MARCHF9: variants seen among roughly 807,000 people sequenced by gnomAD.
MARCHF9 encodes E3 ubiquitin-protein ligase MARCHF9.
Under a neutral mutation model 35.2 loss-of-function variants are expected in MARCHF9, and 17 were observed. That is an observed-to-expected ratio of 0.48 (90% CI 0.33 to 0.72). MARCHF9 has a LOEUF of 0.72. Ranked by LOEUF, MARCHF9 falls within the 30% of genes least tolerant of loss-of-function variation. The pLI is 0.02. For synonymous variants in MARCHF9, 183 were observed against 207.4 expected (o/e 0.88, Z 1.01); for missense variants, 386 against 478.2 (o/e 0.81, Z 1.80).
At position 57,755,833 on chromosome 12, in the gene MARCHF9, A is replaced by T. The variant is rs1392823363; in HGVS notation, c.305A>T (p.Asp102Val). The change falls in exon 1 of 4, where the codon GAC (aspartate) becomes GTC (valine). Residue 102 changes from aspartate to valine, a missense_variant. Transcript: ENST00000266643. ...LDALSLSSSL[D>V]SGLRTPQCRI... is the part of the protein sequence containing the mutation. ...GCCCTGTCGCTCAGCAGTAGCCTGG[A>T]CAGCGGACTCCGAACCCCTCAGTGC... The T allele has an allele frequency of 6.6e-7, 1 of 1,518,318 alleles. No homozygotes were observed. 94.1% of individuals were successfully genotyped at this position (1,518,318 alleles called of 1,614,324 possible).
chr12:57,755,487 A>C lies in MARCHF9; in HGVS notation c.-42A>C. 3.4e-4 allele frequency: 41 copies of C among 119,122 alleles called. No homozygotes were observed. The highest frequency in any genetic ancestry group is 3.1e-3 in the Middle Eastern group (1 of 320). The allele number at this position is 119,122 out of a possible 1,614,324, so 7.4% of individuals were successfully genotyped here. A position where few individuals can be genotyped will look rare whatever the true frequency, so the allele number is the denominator to read the frequency against. On this transcript the variant is annotated 5_prime_UTR_variant, in exon 1 of 4. Coordinates refer to ENST00000266643, the MANE Select transcript of MARCHF9 (RefSeq NM_138396.6). The stretch of plus-strand genomic sequence containing the variant: ...CTCTCCCCTCCCCCCGCCGCTAGCG[A>C]GCCCCCCTTGCACGCTGCCCCCCGC...
In MARCHF9 at chr12:57,758,676, G is replaced by A. The variant is rs766115731; in HGVS notation, c.820G>A (p.Ala274Thr). 3.1e-6 allele frequency: 5 copies of A among 1,613,674 alleles called. No homozygotes were observed. The East Asian group carries it at 1.1e-4, about 36-fold the overall frequency. ...CAAGACCAAGGACATAGGAGGAGAT[G>A]CAGGGGGAGGGACGGCAGGGAAGTC... is the stretch of plus-strand genomic sequence containing the variant. The part of the protein sequence containing the change: ...YDKTKDIGGD[A>T]GGGTAGKSGP... The change falls in exon 4 of 4, where the codon GCA becomes ACA. Residue 274 changes from alanine (A) to threonine (T), a missense_variant. Ala to Thr is a moderately conservative substitution (Grantham distance 58). Around this residue, in one of 3 missense-constraint regions of MARCHF9, gnomAD observed 111 missense variants for 112.4 expected, o/e 0.99. Coordinates refer to ENST00000266643, the MANE Select transcript of MARCHF9 (RefSeq NM_138396.6). This position sits in a 1 kb window ranked among gnomAD's most constrained non-coding sequence, Gnocchi z 5.4.
chr12:57,759,067 G>C lies in MARCHF9; in HGVS notation c.*170G>C. On this transcript the variant is annotated 3_prime_UTR_variant, in exon 4 of 4. Transcript: ENST00000266643. ...ACATTGTCTGGCCTCACTGCCCACT[G>C]GGTAGAGACACCTGGATGACATTTC... 1 of 645,836 alleles carries C rather than the reference G, an allele frequency of 1.5e-6. No homozygotes were observed. The allele number at this position is 645,836 out of a possible 1,614,324, so 40.0% of individuals were successfully genotyped here.
chr12:57,757,705 A>G lies in MARCHF9; in HGVS notation c.514-403A>G, dbSNP rs141861199. On this transcript the variant is annotated intron_variant, in intron 2 of 3. Coordinates refer to ENST00000266643, the MANE Select transcript of MARCHF9 (RefSeq NM_138396.6). ...ATGTTGATGATGATAGCAAATATGTAGTGTTTTCTGTGTCAAGTTTTGGTG... is the reference window on the plus strand; with the variant it reads ...ATGTTGATGATGATAGCAAATATGTGGTGTTTTCTGTGTCAAGTTTTGGTG... 92 of 506,806 alleles carry G rather than the reference A, an allele frequency of 1.8e-4. No individual in the cohort carries two copies. The East Asian group carries it at 2.7e-3, about 15-fold the overall frequency. The allele number at this position is 506,806 out of a possible 1,614,324, so 31.4% of individuals were successfully genotyped here. A position where few individuals can be genotyped will look rare whatever the true frequency, so the allele number is the denominator to read the frequency against.
chr12:57,755,699 G>C lies in MARCHF9; in HGVS notation c.171G>C (p.Glu57Asp). 4.8e-6 allele frequency: 6 copies of C among 1,261,062 alleles called. No individual in the cohort carries two copies. Among genetic ancestry groups the C allele is most frequent in the Non-Finnish European group, 6.0e-6 (6 of 1,006,566 alleles). The allele number at this position is 1,261,062 out of a possible 1,614,324, so 78.1% of individuals were successfully genotyped here. ...GGGACGGCGACGGCGACGAGGAGGAGTACTACGGGTCGGAGCCGCGGGCCC... is the reference window on the plus strand; with the variant it reads ...GGGACGGCGACGGCGACGAGGAGGACTACTACGGGTCGGAGCCGCGGGCCC... Reference protein sequence around the residue: ...STRDGDGDEEEYYGSEPRARG... With the variant: ...STRDGDGDEEDYYGSEPRARG... Residue 57 changes from glutamate (E) to aspartate (D), a missense_variant, in exon 1 of 4, where the codon GAG (glutamate) becomes GAC (aspartate). Transcript: ENST00000266643.
Position 57,758,925 on chromosome 12 carries a change from G to A in MARCHF9, c.*28G>A, listed in dbSNP as rs1206604810. On this transcript the variant is annotated 3_prime_UTR_variant, in exon 4 of 4. Transcript: ENST00000266643. This position sits in a 1 kb window ranked among gnomAD's most constrained non-coding sequence, Gnocchi z 5.4. ...TGGACTCCAGGAGCAGGGATCTTGA[G>A]TCAATGCATCAGTCAGAGAAGAACT... is the stretch of plus-strand genomic sequence containing the variant. 2 of 1,539,372 alleles carry A rather than the reference G, an allele frequency of 1.3e-6. No individual in the cohort carries two copies. The highest frequency in any genetic ancestry group is 2.3e-5 in the East Asian group (1 of 43,842).
rs1425542071 is a variant in MARCHF9, at chr12:57,755,626, G to A, written c.98G>A (p.Gly33Asp). 6 of 1,331,460 alleles carry A rather than the reference G, an allele frequency of 4.5e-6. No individual in the cohort carries two copies. Among genetic ancestry groups the A allele is most frequent in the Middle Eastern group, 2.9e-4 (1 of 3,484 alleles). 82.5% of individuals were successfully genotyped at this position (1,331,460 alleles called of 1,614,324 possible). Reference protein sequence around the residue: ...RPRAEPQPRGGRGGGCGWAPF... With the variant: ...RPRAEPQPRGDRGGGCGWAPF... Reference sequence around the variant, plus strand: ...CGGGCCGAGCCGCAACCCCGGGGGGGCCGGGGAGGCGGCTGCGGCTGGGCG... The same window carrying A: ...CGGGCCGAGCCGCAACCCCGGGGGGACCGGGGAGGCGGCTGCGGCTGGGCG... Residue 33 changes from glycine to aspartate, a missense_variant, in exon 1 of 4, where the codon GGC becomes GAC. Gly to Asp is a moderately conservative substitution (Grantham distance 94). Coordinates refer to ENST00000266643, the MANE Select transcript of MARCHF9 (RefSeq NM_138396.6).
chr12:57,756,615 C>T (rs903827719), intron 1 of MARCHF9, among the ~76,000 whole-genome samples: 1 of 152,148 alleles, frequency 6.6e-6, no homozygotes, highest in Non-Finnish European at 1.5e-5. Context: ...TAAGAGGAAG[C>T]CTTTCTTTTG....
At position 57,759,833 on chromosome 12, in the gene MARCHF9, C is replaced by G. The variant is rs1207677007; in HGVS notation, c.*936C>G. 1 of 152,100 alleles carries G rather than the reference C, an allele frequency of 6.6e-6. No homozygotes were observed. Among genetic ancestry groups the G allele is most frequent in the Non-Finnish European group, 1.5e-5 (1 of 68,022 alleles). The allele number at this position is 152,100 out of a possible 1,614,324, so 9.4% of individuals were successfully genotyped here. On this transcript the variant is annotated 3_prime_UTR_variant, in exon 4 of 4. Transcript: ENST00000266643. ...AATGTGTTTTTCATCTGGAGTTGCACAGAATCATGGAATTTTGTGTTGAGT... is the reference window on the plus strand; with the variant it reads ...AATGTGTTTTTCATCTGGAGTTGCAGAGAATCATGGAATTTTGTGTTGAGT...
chr12:57,756,128 T>C (rs1955286652), intron 1 of MARCHF9: 1 of 266,082 alleles, frequency 3.8e-6, no homozygotes, highest in Non-Finnish European at 7.3e-6. Flanking sequence ...CTCTCACCCA[T>C]TAACAGGGAC....
intron 1 of MARCHF9, 120 bp from the exon 2 acceptor site, chr12:57,756,809 A>G: frequency 9.2e-7 from 1 of 1,084,946 alleles, no homozygotes; most frequent in Non-Finnish European, 1.2e-6. Context: ...CTTGGGTGAA[A>G]GGCCTGAGTT....
intron 2 of MARCHF9, chr12:57,757,618 G>T (rs1000505886): frequency 3.8e-5 from 10 of 261,498 alleles, no homozygotes; most frequent in South Asian, 9.2e-5. Flanking sequence ...CTGCACTCCA[G>T]CCTGGGCAAC....
At position 57,759,065 on chromosome 12, in the gene MARCHF9, C is replaced by A; in HGVS notation, c.*168C>A. On this transcript the variant is annotated 3_prime_UTR_variant, in exon 4 of 4. Transcript: ENST00000266643. ...AGACATTGTCTGGCCTCACTGCCCA[C>A]TGGGTAGAGACACCTGGATGACATT... 1.5e-6 allele frequency: 1 copy of A among 663,928 alleles called. No individual in the cohort carries two copies. The highest frequency in any genetic ancestry group is 2.5e-6 in the Non-Finnish European group (1 of 404,308). The allele number at this position is 663,928 out of a possible 1,614,324, so 41.1% of individuals were successfully genotyped here.
intron 1 of MARCHF9, among the ~76,000 whole-genome samples, chr12:57,756,423 C>T (rs757682103): frequency 8.5e-5 from 13 of 152,098 alleles, no homozygotes; most frequent in Non-Finnish European, 1.6e-4. Context: ...GAATTGATTC[C>T]ATGATTAAAG....
chr12:57,758,971 C>A lies in MARCHF9; in HGVS notation c.*74C>A. ...GAACTCTCATGGCTGCTGGAGGTAC[C>A]AGCTGGACAAGGTGTTTGGGGCATG... is the stretch of plus-strand genomic sequence containing the variant. On this transcript the variant is annotated 3_prime_UTR_variant, in exon 4 of 4. Transcript: ENST00000266643. This position sits in a 1 kb window ranked among gnomAD's most constrained non-coding sequence, Gnocchi z 5.4. 1 of 1,387,266 alleles carries A rather than the reference C, an allele frequency of 7.2e-7. No individual in the cohort carries two copies. Among genetic ancestry groups the A allele is most frequent in the Non-Finnish European group, 9.6e-7 (1 of 1,037,246 alleles). The allele number at this position is 1,387,266 out of a possible 1,614,324, so 85.9% of individuals were successfully genotyped here.
At chr12:57,757,271 G>A (rs190210253) in intron 2 of MARCHF9, 187 bp downstream of exon 2, 9 of 539,564 alleles carry the variant, frequency 1.7e-5, no homozygotes, top group South Asian at 1.1e-4. Flanking sequence ...GATATTTATT[G>A]GGTGCCACTT....
In MARCHF9 at chr12:57,760,256, G is replaced by GA. The variant is rs1361335134; in HGVS notation, c.*1363dup. The GA allele has an allele frequency of 1.3e-5, 2 of 152,228 alleles. No homozygotes were observed. Among genetic ancestry groups the GA allele is most frequent in the Non-Finnish European group, 2.9e-5 (2 of 68,046 alleles). 9.4% of individuals were successfully genotyped at this position (152,228 alleles called of 1,614,324 possible). ...AGCATAGAGGACTGTTGTTTATAGAGAAAAGATTTGGGAAGGACTGTTTAC... is the reference window on the plus strand; with the variant it reads ...AGCATAGAGGACTGTTGTTTATAGAGAAAAAGATTTGGGAAGGACTGTTTAC... On this transcript the variant is annotated 3_prime_UTR_variant, in exon 4 of 4. Transcript: ENST00000266643.
intron 2 of MARCHF9, 88 bp downstream of exon 2, chr12:57,757,172 C>G: frequency 7.2e-7 from 1 of 1,392,654 alleles, no homozygotes; most frequent in South Asian, 1.6e-5. Context: ...ATTTCATTTA[C>G]TCTTTTCCCA....
In MARCHF9 at chr12:57,760,295, C is replaced by T. The variant is rs1955311210; in HGVS notation, c.*1398C>T. 1 of 152,202 alleles carries T rather than the reference C, an allele frequency of 6.6e-6. No homozygotes were observed. Among genetic ancestry groups the T allele is most frequent in the South Asian group, 2.1e-4 (1 of 4,834 alleles). 9.4% of individuals were successfully genotyped at this position (152,202 alleles called of 1,614,324 possible). ...AGGACTGTTTACAATGTGGGTCAGC[C>T]TGAAGCCTGGGCACTTTCTTCTGTG... On this transcript the variant is annotated 3_prime_UTR_variant, in exon 4 of 4. Transcript: ENST00000266643.
Sources: allele counts gnomAD v4.1 joint callset (sites outside exome capture counted in the v4.1 genomes callset), GRCh38; gene constraint gnomAD v4.1.1; regional missense constraint gnomAD v4.1.1; non-coding constraint Gnocchi (gnomAD v3.1); transcripts MANE v1.5; gene names NCBI Gene and HGNC (gene_info 2026-07-23, HGNC 2026-07-21).